Variants in TYRO3 observed in about 807,000 individuals in gnomAD.
TYRO3 encodes the protein tyrosine-protein kinase receptor TYRO3.
A neutral mutation model predicts 95.2 loss-of-function variants in TYRO3; 38 were observed. The ratio of observed to expected loss-of-function variants is 0.40; its 90% CI spans 0.31 to 0.52. The LOEUF (loss-of-function observed/expected upper bound fraction) is 0.52. Ranked by LOEUF, TYRO3 falls within the 20% of genes least tolerant of loss-of-function variation. The pLI is 0.56. For synonymous variants in TYRO3, 367 were observed against 432.9 expected, an observed-to-expected ratio of 0.85 and a Z score of 1.89; for missense variants, 812 against 1,116.4, an observed-to-expected ratio of 0.73 and a Z score of 3.89.
chr15:41,581,173 G>C lies in TYRO3; in HGVS notation c.*2897G>C, dbSNP rs1194135788. On this transcript the variant is annotated 3_prime_UTR_variant, in exon 19 of 19. Transcript: ENST00000263798. ...CCACTAAACTTCGGCCTGGGTGACAGATTAAGACTGTCTCAGAAACAAAAC... is the reference window on the plus strand; with the variant it reads ...CCACTAAACTTCGGCCTGGGTGACACATTAAGACTGTCTCAGAAACAAAAC... 1.3e-5 allele frequency: 2 copies of C among 153,504 alleles called. No homozygotes were observed. The highest frequency in any genetic ancestry group is 2.9e-5 in the Non-Finnish European group (2 of 68,068). The allele number at this position is 153,504 out of a possible 1,614,324, so 9.5% of individuals were successfully genotyped here. A position where few individuals can be genotyped will look rare whatever the true frequency, so the allele number is the denominator to read the frequency against.
In TYRO3 at chr15:41,562,584, C is replaced by T. The variant is rs991767918; in HGVS notation, c.446C>T (p.Ala149Val). The T allele has an allele frequency of 4.3e-6, 7 of 1,613,180 alleles. No homozygotes were observed. The Admixed American group carries it at 6.7e-5, about 15-fold the overall frequency. Reference sequence around the variant, plus strand: ...TTCACAGTGGAGCCAAAAGATCTGGCAGTGCCACCCAATGCCCCTTTCCAA... The same window carrying T: ...TTCACAGTGGAGCCAAAAGATCTGGTAGTGCCACCCAATGCCCCTTTCCAA... ...PFFTVEPKDL[A>V]VPPNAPFQLS... Residue 149 changes from alanine (A) to valine (V), a missense_variant, in exon 4 of 19, where the codon GCA becomes GTA. Ala to Val is a moderately conservative substitution (Grantham distance 64). Coordinates refer to ENST00000263798, the MANE Select transcript of TYRO3 (RefSeq NM_006293.4).
rs760849192 is a variant in TYRO3, at chr15:41,562,662, G to A, written c.524G>A (p.Arg175Lys). The change falls in exon 4 of 19, where the codon AGA becomes AAA. Residue 175 changes from arginine to lysine, a missense_variant. Physicochemically the swap from Arg to Lys is conservative, Grantham distance 26. Transcript: ENST00000263798. ...GAACCTGTTACCATTGTCTGGTGGA[G>A]AGGAACTACGAAGATCGGGGGACCC... ...PPEPVTIVWW[R>K]GTTKIGGPAP... 2 of 1,614,188 alleles carry A rather than the reference G, an allele frequency of 1.2e-6. No homozygotes were observed. Among genetic ancestry groups the A allele is most frequent in the Non-Finnish European group, 1.7e-6 (2 of 1,180,050 alleles).
rs1289885138 is a variant in TYRO3 at position 41,580,045 on chromosome 15, C to T, written c.*1769C>T. 1 of 152,066 alleles carries T rather than the reference C, an allele frequency of 6.6e-6. No homozygotes were observed. The highest frequency in any genetic ancestry group is 1.5e-5 in the Non-Finnish European group (1 of 68,046). 9.4% of individuals were successfully genotyped at this position (152,066 alleles called of 1,614,324 possible). On this transcript the variant is annotated 3_prime_UTR_variant, in exon 19 of 19. Transcript: ENST00000263798. ...GTGTTGGGATTACAGGCGTGAGCCA[C>T]CGCACCTGGCAACAGCTGTTACCTT...
Position 41,579,020 on chromosome 15 carries a change from G to A in TYRO3, c.*744G>A, listed in dbSNP as rs941582365. 6.5e-6 allele frequency: 1 copy of A among 152,780 alleles called. No individual in the cohort carries two copies. The highest frequency in any genetic ancestry group is 2.4e-5 in the African/African-American group (1 of 41,440). 9.5% of individuals were successfully genotyped at this position (152,780 alleles called of 1,614,324 possible). A position where few individuals can be genotyped will look rare whatever the true frequency, so the allele number is the denominator to read the frequency against. ...CAAGTGAGGCCGGAGAGGAGTTCAG[G>A]AACCCTTCTCCATACCCACAATCTG... On this transcript the variant is annotated 3_prime_UTR_variant, in exon 19 of 19. Transcript: ENST00000263798.
At position 41,573,465 on chromosome 15, in the gene TYRO3, G is replaced by A. The variant is rs2055824598; in HGVS notation, c.2143G>A (p.Val715Met). 3 of 1,614,236 alleles carry A rather than the reference G, an allele frequency of 1.9e-6. No homozygotes were observed. The highest frequency in any genetic ancestry group is 2.5e-6 in the Non-Finnish European group (3 of 1,180,038). ...ADNLYTVQSD[V>M]WAFGVTMWEI... ...CAACCTGTATACTGTGCAGAGTGACGTGGTGAGCAGGGTGGCCCGTGAAGC... is the reference window on the plus strand; with the variant it reads ...CAACCTGTATACTGTGCAGAGTGACATGGTGAGCAGGGTGGCCCGTGAAGC... Residue 715 changes from valine to methionine, a missense_variant and splice_region_variant, in exon 17 of 19, where the codon GTG becomes ATG. Physicochemically the swap from Val to Met is conservative, Grantham distance 21. Coordinates refer to ENST00000263798, the MANE Select transcript of TYRO3 (RefSeq NM_006293.4).
At chr15:41,573,257 G>C in intron 16 of TYRO3, 51 bp from the exon 17 acceptor site, 23 of 1,541,836 alleles carry the variant, frequency 1.5e-5, no homozygotes, top group Non-Finnish European at 2.0e-5. Context: ...GGCTCTTGTG[G>C]GCCTGTGAGC....
At chr15:41,569,382 T>C (rs904921186) in intron 9 of TYRO3, among the ~76,000 whole-genome samples, 1 of 151,554 alleles carries the variant, frequency 6.6e-6, no homozygotes, top group Admixed American at 6.6e-5. Flanking sequence ...GGCAGGAGGA[T>C]TGCTTGAGCC....
In TYRO3 at chr15:41,570,612, T is replaced by C. The variant is rs1240791035; in HGVS notation, c.1492T>C (p.Leu498=). ...AAACCCTTTCCCCACAGTGGACAGC[T>C]TGGGCATCAGCGATGAACTAAAGGA... is the stretch of plus-strand genomic sequence containing the variant. ...PERIEATLDS[L]GISDELKEKL... The change falls in exon 12 of 19, where the codon TTG becomes CTG. Residue 498 remains leucine (L), a synonymous_variant. Coordinates refer to ENST00000263798, the MANE Select transcript of TYRO3 (RefSeq NM_006293.4). The C allele has an allele frequency of 1.2e-6, 2 of 1,614,138 alleles. No homozygotes were observed. Among genetic ancestry groups the C allele is most frequent in the Non-Finnish European group, 1.7e-6 (2 of 1,180,008 alleles).
chr15:41,573,215 G>A (rs1002241727), intron 16 of TYRO3, 93 bp from the exon 17 acceptor site: 1 of 1,421,650 alleles, frequency 7.0e-7, no homozygotes, highest in Non-Finnish European at 9.6e-7. Flanking sequence ...ATGCATGGGG[G>A]TAGCTTGGGA....
rs774158976 is a variant in TYRO3, at chr15:41,571,672, G to C, written c.1738G>C (p.Val580Leu). The C allele has an allele frequency of 6.2e-7, 1 of 1,611,386 alleles. No homozygotes were observed. The highest frequency in any genetic ancestry group is 8.5e-7 in the Non-Finnish European group (1 of 1,177,714). Reference protein sequence around the residue: ...ACMKEFDHPHVAKLVGVSLRS... With the variant: ...ACMKEFDHPHLAKLVGVSLRS... Reference sequence around the variant, plus strand: ...CATGAAGGAGTTTGACCATCCACACGTGGCCAAACTTGTTGGTGAGCCCAT... The same window carrying C: ...CATGAAGGAGTTTGACCATCCACACCTGGCCAAACTTGTTGGTGAGCCCAT... Residue 580 changes from valine (V) to leucine (L), a missense_variant, in exon 14 of 19, where the codon GTG (valine) becomes CTG (leucine). Transcript: ENST00000263798.
In TYRO3 at chr15:41,570,266, G is replaced by A. The variant is rs754825265; in HGVS notation, c.1409G>A (p.Arg470Gln). Residue 470 changes from arginine (R) to glutamine (Q), a missense_variant, in exon 11 of 19, where the codon CGG (arginine) becomes CAG (glutamine). Transcript: ENST00000263798. ...CAAGCCTTTGACAGTGTCATGGCCCGGGGAGAGCCAGCCGTTCACTTCCGG... is the reference window on the plus strand; with the variant it reads ...CAAGCCTTTGACAGTGTCATGGCCCAGGGAGAGCCAGCCGTTCACTTCCGG... Reference protein sequence around the residue: ...FGQAFDSVMARGEPAVHFRAA... With the variant: ...FGQAFDSVMAQGEPAVHFRAA... 9.9e-6 allele frequency: 16 copies of A among 1,613,962 alleles called. No homozygotes were observed. The highest frequency in any genetic ancestry group is 8.9e-5 in the East Asian group (4 of 44,896).
intron 8 of TYRO3, 36 bp downstream of exon 8, chr15:41,568,398 G>C: frequency 1.3e-6 from 2 of 1,592,446 alleles, no homozygotes; most frequent in Non-Finnish European, 1.7e-6. Context: ...CACTCTCCTG[G>C]AGTATAAGCC....
At chr15:41,576,964 G>A (rs28657602) in intron 18 of TYRO3, among the ~76,000 whole-genome samples, 42,019 of 151,788 alleles carry the variant, frequency 0.28, 6,061 homozygotes, top group Admixed American at 0.36. Context: ...GTGTCCGGCT[G>A]CACGGTGAGG....
At chr15:41,568,407 C>A (rs1288310230) in intron 8 of TYRO3, 45 bp downstream of exon 8, 1 of 1,567,002 alleles carries the variant, frequency 6.4e-7, no homozygotes, top group South Asian at 1.2e-5. Flanking sequence ...GGAGTATAAG[C>A]CTTCAGGGTT....
At chr15:41,577,151 TC>T in intron 18 of TYRO3, among the ~76,000 whole-genome samples, 1 of 152,120 alleles carries the variant, frequency 6.6e-6, no homozygotes, top group Non-Finnish European at 1.5e-5. Context: ...ATCATTGCTT[TC>T]ATAGGGTTGT....
At position 41,573,728 on chromosome 15, in the gene TYRO3, C is replaced by T. The variant is rs1566903626; in HGVS notation, c.2195C>T (p.Pro732Leu). ...MWEIMTRGQTPYAGIENAEIY... is the reference protein window; with the variant it reads ...MWEIMTRGQTLYAGIENAEIY... ...GAGATCATGACACGTGGGCAGACGC[C>T]ATATGCTGGCATCGAAAACGCTGAG... The change falls in exon 18 of 19, where the codon CCA (proline) becomes CTA (leucine). Residue 732 changes from proline to leucine, a missense_variant. By Grantham distance (98) the Pro-to-Leu change is moderately conservative. Transcript: ENST00000263798. 3 of 1,614,262 alleles carry T rather than the reference C, an allele frequency of 1.9e-6. No individual in the cohort carries two copies. The highest frequency in any genetic ancestry group is 2.2e-5 in the East Asian group (1 of 44,884).
chr15:41,568,217 C>T lies in TYRO3; in HGVS notation c.962C>T (p.Ala321Val). 11 of 1,611,924 alleles carry T rather than the reference C, an allele frequency of 6.8e-6. No individual in the cohort carries two copies. The highest frequency in any genetic ancestry group is 9.3e-6 in the Non-Finnish European group (11 of 1,179,754). Residue 321 changes from alanine to valine, a missense_variant and splice_region_variant, in exon 8 of 19, where the codon GCC (alanine) becomes GTC (valine). Coordinates refer to ENST00000263798, the MANE Select transcript of TYRO3 (RefSeq NM_006293.4). ...DWVPFQTKGL[A>V]PASAPQNLHA... ...AGCAATCTTCTCTCTTTGGCTGCAG[C>T]CCCAGCCAGCGCTCCCCAAAACCTC...
intron 8 of TYRO3, among the ~76,000 whole-genome samples, chr15:41,568,662 G>A (rs1431478136): frequency 1.3e-5 from 2 of 152,130 alleles, no homozygotes; most frequent in African/African-American, 2.4e-5. Context: ...CCCCACCTGT[G>A]CATTCCGGGA....
At chr15:41,562,382 C>A in intron 3 of TYRO3, 166 bp from the exon 4 acceptor site, 1 of 476,276 alleles carries the variant, frequency 2.1e-6, no homozygotes, top group Admixed American at 4.2e-5. Context: ...AAAAGAGAAG[C>A]ACCGCCTACC....
Sources: gnomAD v4.1 joint callset for allele counts (sites outside exome capture counted in the v4.1 genomes callset) on GRCh38, gnomAD v4.1.1 for gene constraint, MANE v1.5 for transcripts, NCBI Gene and HGNC (gene_info 2026-07-23, HGNC 2026-07-21) for gene names.